The following GFRA1 variants were observed in gnomAD, a reference collection of about 807,000 sequenced individuals.
The protein encoded by GFRA1 is GDNF family receptor alpha 1.
In GFRA1, 16 loss-of-function variants were observed where a neutral mutation model predicts 51.6. The observed-to-expected ratio is 0.31, with a 90% CI of 0.21 to 0.47. The LOEUF (loss-of-function observed/expected upper bound fraction) is 0.47, where lower values mean the gene tolerates loss of function less well. Among genes scored for constraint, GFRA1 ranks in the 20% least tolerant of loss-of-function variants. GFRA1 has a pLI of 1.00. For missense variants in GFRA1, 530 were observed against 594.3 expected (o/e 0.89, Z 1.13); for synonymous variants, 270 against 241.3 (o/e 1.12, Z -1.10).
chr10:116,132,168 C>T (rs915978119), intron 5 of GFRA1, among the ~76,000 whole-genome samples: 2 of 152,096 alleles, frequency 1.3e-5, no homozygotes, highest in Non-Finnish European at 2.9e-5. Flanking sequence ...TGATCCACAC[C>T]ACTGCACTCC....
intron 9 of GFRA1, among the ~76,000 whole-genome samples, chr10:116,066,635 T>C (rs915112922): frequency 4.6e-5 from 7 of 152,150 alleles, no homozygotes; most frequent in African/African-American, 1.7e-4. Flanking sequence ...CACACAACAA[T>C]TTACTTACAG....
chr10:116,218,081 T>C (rs964041295), intron 4 of GFRA1, among the ~76,000 whole-genome samples: 3 of 152,174 alleles, frequency 2.0e-5, no homozygotes, highest in Non-Finnish European at 4.4e-5. Flanking sequence ...TTTTTAAGCC[T>C]TGACATCAGT....
chr10:116,095,824 G>A (rs1469905253), intron 7 of GFRA1, among the ~76,000 whole-genome samples: 2 of 152,136 alleles, frequency 1.3e-5, no homozygotes, highest in East Asian at 1.9e-4. Context: ...CTGAGCCATC[G>A]TGCTTCTGAC....
intron 5 of GFRA1, among the ~76,000 whole-genome samples, chr10:116,131,151 T>C (rs1171986883): frequency 6.6e-6 from 1 of 152,210 alleles, no homozygotes; most frequent in Non-Finnish European, 1.5e-5. Flanking sequence ...AATGGCCAAG[T>C]AGCATCTGAA....
At chr10:116,255,978 T>C (rs1968815540) in intron 4 of GFRA1, among the ~76,000 whole-genome samples, 1 of 152,056 alleles carries the variant, frequency 6.6e-6, no homozygotes, top group Non-Finnish European at 1.5e-5. Context: ...TGCTAATATA[T>C]TGAGGGAGGA....
intron 5 of GFRA1, among the ~76,000 whole-genome samples, chr10:116,156,435 CCAAA>C (rs61412480): frequency 0.2 from 30,912 of 151,968 alleles, 3,292 homozygotes; most frequent in African/African-American, 0.29. Flanking sequence ...TTCACATACC[CCAAA>C]CAGTGTGGAG....
At chr10:116,265,455 T>A (rs1304107722) in intron 4 of GFRA1, among the ~76,000 whole-genome samples, 1 of 152,210 alleles carries the variant, frequency 6.6e-6, no homozygotes, top group Non-Finnish European at 1.5e-5. Flanking sequence ...CCTCCCTCTG[T>A]TCCCCATCCT....
chr10:116,203,865 G>A (rs763571530), intron 5 of GFRA1, among the ~76,000 whole-genome samples: 2 of 152,226 alleles, frequency 1.3e-5, no homozygotes, highest in African/African-American at 2.4e-5. Context: ...GCTTGCCTAC[G>A]CTATGGGAAA....
chr10:116,266,611 G>A (rs1413819083), intron 4 of GFRA1, among the ~76,000 whole-genome samples: 1 of 152,168 alleles, frequency 6.6e-6, no homozygotes, highest in Admixed American at 6.5e-5. Context: ...TTCTGGCTCT[G>A]GCTAATTCAT....
At chr10:116,139,551 T>C (rs1306465597) in intron 5 of GFRA1, among the ~76,000 whole-genome samples, 1 of 152,222 alleles carries the variant, frequency 6.6e-6, no homozygotes, top group East Asian at 1.9e-4. Flanking sequence ...AATGTGAGTG[T>C]TGGGGTCAAG....
At chr10:116,189,560 T>G (rs1428186502) in intron 5 of GFRA1, among the ~76,000 whole-genome samples, 1 of 152,166 alleles carries the variant, frequency 6.6e-6, no homozygotes, top group Non-Finnish European at 1.5e-5. Context: ...TGAACTATCT[T>G]AAGTTTAATT....
chr10:116,143,679 T>C (rs540452452), intron 5 of GFRA1, among the ~76,000 whole-genome samples: 5 of 140,354 alleles, frequency 3.6e-5, no homozygotes, highest in South Asian at 4.5e-4. Context: ...TCTCTCTCTC[T>C]CCCATGCAAT....
intron 5 of GFRA1, among the ~76,000 whole-genome samples, chr10:116,159,680 T>C (rs1327647589): frequency 6.6e-6 from 1 of 152,108 alleles, no homozygotes; most frequent in Non-Finnish European, 1.5e-5. Flanking sequence ...TTTTGTTAGG[T>C]TCACAGCCCA....
chr10:116,087,499 A>T (rs779938292), intron 9 of GFRA1, among the ~76,000 whole-genome samples: 1 of 152,216 alleles, frequency 6.6e-6, no homozygotes, highest in Admixed American at 6.5e-5. Context: ...AAAGTTTCTA[A>T]AACAGAGAAG....
At position 116,125,514 on chromosome 10, in the gene GFRA1, C is replaced by G; in HGVS notation, c.477G>C (p.Lys159Asn). The G allele has an allele frequency of 6.2e-7, 1 of 1,614,146 alleles. No individual in the cohort carries two copies. Among genetic ancestry groups the G allele is most frequent in the Non-Finnish European group, 8.5e-7 (1 of 1,180,014 alleles). Residue 159 changes from lysine to asparagine, a missense_variant, in exon 6 of 11, where the codon AAG becomes AAC. By Grantham distance (94) the Lys-to-Asn change is moderately conservative. Coordinates refer to ENST00000355422, the MANE Select transcript of GFRA1 (RefSeq NM_005264.8). The part of the protein sequence containing the change: ...PKGNNCLDAA[K>N]ACNLDDICKK... ...TGCAAATGTCGTCGAGGTTGCAGGC[C>G]TTCGCTGCATCCAGGCAGTTGTTCC... is the stretch of plus-strand genomic sequence containing the variant.
At chr10:116,177,450 T>C (rs1185643902) in intron 5 of GFRA1, among the ~76,000 whole-genome samples, 4 of 152,210 alleles carry the variant, frequency 2.6e-5, no homozygotes, top group South Asian at 4.2e-4. Flanking sequence ...GCCTTGGGGT[T>C]AGGGGTGCTC....
chr10:116,199,485 A>G (rs910537685), intron 5 of GFRA1, among the ~76,000 whole-genome samples: 6 of 152,238 alleles, frequency 3.9e-5, no homozygotes, highest in African/African-American at 1.4e-4. Flanking sequence ...GAATTTTACA[A>G]TGAACACTCA....
At chr10:116,157,327 G>C (rs1039409199) in intron 5 of GFRA1, among the ~76,000 whole-genome samples, 1 of 152,214 alleles carries the variant, frequency 6.6e-6, no homozygotes, top group Non-Finnish European at 1.5e-5. Flanking sequence ...AAAGCTGCTA[G>C]ATCTGGGTAT....
chr10:116,089,634 A>G, intron 9 of GFRA1, 107 bp downstream of exon 9: 2 of 933,186 alleles, frequency 2.1e-6, no homozygotes, highest in South Asian at 2.6e-5. Context: ...AAACCCGAGC[A>G]GCATTCGTCA....
Sources: allele counts gnomAD v4.1 joint callset (sites outside exome capture counted in the v4.1 genomes callset), GRCh38; gene constraint gnomAD v4.1.1; transcripts MANE v1.5; gene names NCBI Gene and HGNC (gene_info 2026-07-23, HGNC 2026-07-21).